VWDE: variants seen among roughly 807,000 people sequenced by gnomAD.
VWDE encodes the protein von Willebrand factor D and EGF domain-containing protein.
In VWDE, 207 loss-of-function variants were observed where a neutral mutation model predicts 178.4. That is an observed-to-expected ratio of 1.16 (90% CI 1.04 to 1.30). VWDE has a LOEUF of 1.30. VWDE is among the 50% of genes most tolerant of loss of function. The pLI is 0.00. For missense variants in VWDE, 2,287 were observed against 1,901.3 expected (o/e 1.20, Z -3.77); for synonymous variants, 738 against 651.4 (o/e 1.13, Z -2.02).
chr7:12,331,382 C>G (rs781119460), intron 28 of VWDE, among the ~76,000 whole-genome samples, 185 bp from the exon 29 acceptor site: 1 of 152,114 alleles, frequency 6.6e-6, no homozygotes, highest in African/African-American at 2.4e-5. Context: ...AAGGTCCAAG[C>G]TGTCATAACC....
At chr7:12,403,249 T>C (rs1784995801) in intron 1 of VWDE, among the ~76,000 whole-genome samples, 1 of 152,196 alleles carries the variant, frequency 6.6e-6, no homozygotes, top group Admixed American at 6.5e-5. Context: ...GAGGGTCCGG[T>C]TGGAGGTGGA....
intron 2 of VWDE, among the ~76,000 whole-genome samples, chr7:12,391,405 G>C (rs953295824): frequency 1.3e-5 from 2 of 152,182 alleles, no homozygotes; most frequent in Non-Finnish European, 2.9e-5. Flanking sequence ...GGTGGGGATA[G>C]GGAACACTTC....
At chr7:12,384,077 T>C (rs889668422) in intron 3 of VWDE, among the ~76,000 whole-genome samples, 1 of 152,136 alleles carries the variant, frequency 6.6e-6, no homozygotes, top group African/African-American at 2.4e-5. Context: ...ACTTTATTCA[T>C]AATTGCCCAA....
chr7:12,370,781 A>G lies in VWDE; in HGVS notation c.1671T>C (p.Asp557=). 1 of 1,551,266 alleles carries G rather than the reference A, an allele frequency of 6.4e-7. No individual in the cohort carries two copies. Among genetic ancestry groups the G allele is most frequent in the Non-Finnish European group, 8.7e-7 (1 of 1,146,734 alleles). Reference sequence around the variant, plus strand: ...CACAAAGTCCCAGAGTGTTTCTGTAATCTACACTAGGGGCTCTGATCGTTA... The same window carrying G: ...CACAAAGTCCCAGAGTGTTTCTGTAGTCTACACTAGGGGCTCTGATCGTTA... ...MSLTIRAPSV[D]YRNTLGLCGT... Residue 557 remains aspartate (D), a synonymous_variant, in exon 11 of 29, where the codon GAT becomes GAC. Coordinates refer to ENST00000275358, the MANE Select transcript of VWDE (RefSeq NM_001135924.3).
intron 19 of VWDE, among the ~76,000 whole-genome samples, chr7:12,350,971 C>T (rs1430307729): frequency 6.6e-6 from 1 of 151,984 alleles, no homozygotes; most frequent in Non-Finnish European, 1.5e-5. Context: ...CACTATAAAC[C>T]GTAGTGTACA....
intron 12 of VWDE, 90 bp from the exon 13 acceptor site, chr7:12,367,583 A>G (rs2128554858): frequency 4.5e-6 from 5 of 1,113,108 alleles, no homozygotes; most frequent in East Asian, 2.7e-5. Flanking sequence ...TTAAAAGCAT[A>G]TGGAAAATAA....
At chr7:12,365,089 A>T (rs891051960) in intron 13 of VWDE, among the ~76,000 whole-genome samples, 15 of 152,136 alleles carry the variant, frequency 9.9e-5, no homozygotes, top group African/African-American at 3.6e-4. Flanking sequence ...TATTCAAAAG[A>T]GCCAAGTGTG....
chr7:12,357,175 A>G, intron 17 of VWDE, 90 bp downstream of exon 17: 2 of 1,445,668 alleles, frequency 1.4e-6, no homozygotes. Flanking sequence ...TGCTCTTTAC[A>G]ACTAGCAATA....
chr7:12,350,794 G>A (rs1781888218), intron 19 of VWDE, among the ~76,000 whole-genome samples: 1 of 152,088 alleles, frequency 6.6e-6, no homozygotes, highest in South Asian at 2.1e-4. Context: ...TAGCTATTAT[G>A]AGGATTGAAT....
intron 3 of VWDE, among the ~76,000 whole-genome samples, chr7:12,387,496 G>A (rs1784159858): frequency 6.6e-6 from 1 of 151,720 alleles, no homozygotes; most frequent in Non-Finnish European, 1.5e-5. Flanking sequence ...GCTATGACGA[G>A]CAAAATAATT....
At chr7:12,347,593 A>G (rs117147817) in intron 19 of VWDE, among the ~76,000 whole-genome samples, 1 of 152,280 alleles carries the variant, frequency 6.6e-6, no homozygotes, top group Non-Finnish European at 1.5e-5. Flanking sequence ...ATCTCAACAT[A>G]TAAGGGACTT....
rs550139486 is a variant in VWDE, at chr7:12,378,375, C to T, written c.880-455G>A. Among the ~76,000 whole-genome samples the T allele has an allele frequency of 7.9e-5, 12 of 152,258 alleles. No individual in the cohort carries two copies. The South Asian group carries it at 2.5e-3, about 32-fold the overall frequency. The stretch of plus-strand genomic sequence containing the variant: ...ACATAAATCAAATTATTGTTGTCAC[C>T]TGAAATATCTCCACACTTAGCTTAT... On this transcript the variant is annotated intron_variant, in intron 6 of 28. Transcript: ENST00000275358.
At chr7:12,335,949 T>C (rs1383762004) in intron 27 of VWDE, among the ~76,000 whole-genome samples, 192 bp downstream of exon 27, 4 of 152,216 alleles carry the variant, frequency 2.6e-5, no homozygotes, top group Non-Finnish European at 2.9e-5. Flanking sequence ...TAATATATTA[T>C]ACTACACTTT....
In VWDE at chr7:12,331,114, C is replaced by T; in HGVS notation, c.*69G>A. ...TGTTCAAATAAACTCCAAGTTATCT[C>T]CAACTTTTTCTGAACAAAATATTTC... On this transcript the variant is annotated 3_prime_UTR_variant, in exon 29 of 29. Transcript: ENST00000275358. The T allele has an allele frequency of 7.4e-7, 1 of 1,360,454 alleles. No homozygotes were observed. The allele number at this position is 1,360,454 out of a possible 1,614,324, so 84.3% of individuals were successfully genotyped here.
chr7:12,357,513 T>A lies in VWDE; in HGVS notation c.3277A>T (p.Asn1093Tyr). 1 of 1,552,164 alleles carries A rather than the reference T, an allele frequency of 6.4e-7. No individual in the cohort carries two copies. Among genetic ancestry groups the A allele is most frequent in the Non-Finnish European group, 8.7e-7 (1 of 1,147,108 alleles). The change falls in exon 17 of 29, where the codon AAC (asparagine) becomes TAC (tyrosine). Residue 1093 changes from asparagine (N) to tyrosine (Y), a missense_variant and splice_region_variant. Transcript: ENST00000275358. ...AATGCTTGAATCACTGGGGGCTGGT[T>A]GTCTGTAATAGAGAAAACACTTAAC... ...SRFTWSFLEN[N>Y]QPPVIQALQD...
At chr7:12,361,691 A>T (rs6460935) in intron 13 of VWDE, among the ~76,000 whole-genome samples, 170 bp from the exon 14 acceptor site, 16,485 of 152,186 alleles carry the variant, frequency 0.11, 1,054 homozygotes, top group Non-Finnish European at 0.14. Flanking sequence ...GAATAACGAA[A>T]AACATATATA....
In VWDE at chr7:12,337,175, AC is replaced by A; in HGVS notation, c.4462+1del. ...TGACAAATACATTTAGTGATGTCTT[AC>A]TTTTTTGGAATCTCCTACCAGTGTA... On this transcript the variant is annotated splice_donor_variant, in intron 25 of 28. Coordinates refer to ENST00000275358, the MANE Select transcript of VWDE (RefSeq NM_001135924.3). LOFTEE classifies it high-confidence loss of function. The A allele has an allele frequency of 6.4e-7, 1 of 1,551,690 alleles. No individual in the cohort carries two copies. Among genetic ancestry groups the A allele is most frequent in the South Asian group, 1.2e-5 (1 of 84,056 alleles).
chr7:12,333,427 A>T, intron 28 of VWDE, 38 bp downstream of exon 28: 1 of 1,252,096 alleles, frequency 8.0e-7, no homozygotes, highest in African/African-American at 1.5e-5. Context: ...GCAAATGTCA[A>T]TGTCTAATAT....
chr7:12,331,960 G>C (rs1333373231), intron 28 of VWDE, among the ~76,000 whole-genome samples: 1 of 152,156 alleles, frequency 6.6e-6, no homozygotes, highest in South Asian at 2.1e-4. Flanking sequence ...CAATCAGTAA[G>C]CTCCATTTCT....
Sources: gnomAD v4.1 joint callset for allele counts (sites outside exome capture counted in the v4.1 genomes callset) on GRCh38, gnomAD v4.1.1 for gene constraint, MANE v1.5 for transcripts, NCBI Gene and HGNC (gene_info 2026-07-23, HGNC 2026-07-21) for gene names.